Variants in PCDHGB4 observed in about 807,000 individuals in gnomAD.
PCDHGB4 encodes protocadherin gamma subfamily B, 4.
Under a neutral mutation model 60.5 loss-of-function variants are expected in PCDHGB4, and 38 were observed. That is an observed-to-expected ratio of 0.63 (90% CI 0.48 to 0.82). The LOEUF (loss-of-function observed/expected upper bound fraction) is 0.82, where lower values mean the gene tolerates loss of function less well. Among genes scored for constraint, PCDHGB4 ranks in the 40% least tolerant of loss-of-function variants. The pLI is 0.00. For missense variants in PCDHGB4, 1,109 were observed against 1,209.6 expected, an observed-to-expected ratio of 0.92 and a Z score of 1.23; for synonymous variants, 456 against 509.7, an observed-to-expected ratio of 0.89 and a Z score of 1.42.
At chr5:141,422,198 A>G (rs2096632774) in intron 1 of PCDHGB4, 1 of 1,562,340 alleles carries the variant, frequency 6.4e-7, no homozygotes, top group Non-Finnish European at 8.6e-7. Flanking sequence ...CAAGGCCAAG[A>G]TGGTGGAGGT....
rs761599135 is a variant in PCDHGB4, at chr5:141,388,922, A to G, written c.1038A>G (p.Ile346Met). The G allele has an allele frequency of 6.2e-7, 1 of 1,614,046 alleles. No homozygotes were observed. The highest frequency in any genetic ancestry group is 8.5e-7 in the Non-Finnish European group (1 of 1,179,874). The change falls in exon 1 of 4, where the codon ATA (isoleucine) becomes ATG (methionine). Residue 346 changes from isoleucine (I) to methionine (M), a missense_variant. By Grantham distance (10) the Ile-to-Met change is conservative. Coordinates refer to ENST00000519479, the MANE Select transcript of PCDHGB4 (RefSeq NM_003736.4). ...IDENDNAPEV[I>M]FQSLPNLIME... ...AAAATGACAACGCCCCAGAAGTGATATTCCAGTCTCTACCCAACCTAATTA... is the reference window on the plus strand; with the variant it reads ...AAAATGACAACGCCCCAGAAGTGATGTTCCAGTCTCTACCCAACCTAATTA...
intron 3 of PCDHGB4, among the ~76,000 whole-genome samples, chr5:141,506,189 G>A (rs529165145): frequency 3.6e-4 from 55 of 152,262 alleles, no homozygotes; most frequent in African/African-American, 1.1e-3. Flanking sequence ...GGTGGCTCAC[G>A]CCTGTAATCC....
intron 1 of PCDHGB4, among the ~76,000 whole-genome samples, chr5:141,450,485 T>A (rs1382219564): frequency 6.6e-6 from 1 of 152,160 alleles, no homozygotes; most frequent in Non-Finnish European, 1.5e-5. Flanking sequence ...GTTTGTTTGT[T>A]TGTCTGTTTG....
At chr5:141,460,536 G>T (rs911670681) in intron 1 of PCDHGB4, among the ~76,000 whole-genome samples, 1 of 152,092 alleles carries the variant, frequency 6.6e-6, no homozygotes, top group African/African-American at 2.4e-5. Context: ...AATAATCTTA[G>T]CACCTTAATC....
At chr5:141,422,899 G>C (rs759972749) in intron 1 of PCDHGB4, 13 of 1,614,116 alleles carry the variant, frequency 8.1e-6, no homozygotes, top group Middle Eastern at 3.3e-4. Context: ...GGACCAGAAC[G>C]ACAATGCGCC....
At chr5:141,409,185 C>A in intron 1 of PCDHGB4, 1 of 1,614,024 alleles carries the variant, frequency 6.2e-7, no homozygotes, top group Non-Finnish European at 8.5e-7. Flanking sequence ...GGTGGTCTCT[C>A]TACCCAGTGT....
chr5:141,393,508 T>A (rs540869636), intron 1 of PCDHGB4: 2 of 1,614,010 alleles, frequency 1.2e-6, no homozygotes, highest in East Asian at 4.5e-5. Flanking sequence ...CACGTGACAG[T>A]GTTGGATACA....
At chr5:141,467,924 G>A (rs2099154404) in intron 1 of PCDHGB4, among the ~76,000 whole-genome samples, 1 of 152,042 alleles carries the variant, frequency 6.6e-6, no homozygotes, top group Non-Finnish European at 1.5e-5. Context: ...CTCCCAAAAT[G>A]CTAGGATTAC....
intron 1 of PCDHGB4, chr5:141,399,557 T>TG: frequency 1.2e-6 from 2 of 1,613,968 alleles, no homozygotes; most frequent in Non-Finnish European, 1.7e-6. Context: ...GACCTGGACT[T>TG]GGGGTTGAAC....
chr5:141,478,137 G>A (rs762316494), intron 1 of PCDHGB4: 13 of 1,613,872 alleles, frequency 8.1e-6, no homozygotes, highest in African/African-American at 8.0e-5. Context: ...CCTGAAGCCC[G>A]AGCCGAGTTC....
intron 1 of PCDHGB4, chr5:141,394,095 G>A: frequency 6.2e-7 from 1 of 1,613,848 alleles, no homozygotes; most frequent in Non-Finnish European, 8.5e-7. Context: ...CTCAGATCTA[G>A]GAACACCACC....
In PCDHGB4 at chr5:141,477,891, G is replaced by T. The variant is rs750359063; in HGVS notation, c.2398-16916G>T. 10 of 1,614,066 alleles carry T rather than the reference G, an allele frequency of 6.2e-6. No individual in the cohort carries two copies. The African/African-American group carries it at 1.2e-4, about 19-fold the overall frequency. ...ACCTCAGCTGGCCACCTAGTGTCAC[G>T]GGTGGTAGGCTGGGACGCGGATGCA... is the stretch of plus-strand genomic sequence containing the variant. On this transcript the variant is annotated intron_variant, in intron 1 of 3. Coordinates refer to ENST00000519479, the MANE Select transcript of PCDHGB4 (RefSeq NM_003736.4). This position sits in a 1 kb window ranked among gnomAD's most constrained non-coding sequence, Gnocchi z 4.9.
At chr5:141,449,198 A>C (rs2098631518) in intron 1 of PCDHGB4, among the ~76,000 whole-genome samples, 1 of 152,188 alleles carries the variant, frequency 6.6e-6, no homozygotes, top group Non-Finnish European at 1.5e-5. Context: ...AAGAAGTGTT[A>C]ATTCTAACTT....
rs781695042 is a variant in PCDHGB4, at chr5:141,394,424, C to T, written c.2397+4143C>T. 6.2e-6 allele frequency: 10 copies of T among 1,614,104 alleles called. No individual in the cohort carries two copies. The African/African-American group carries it at 8.0e-5, about 13-fold the overall frequency. On this transcript the variant is annotated intron_variant, in intron 1 of 3. Transcript: ENST00000519479. The stretch of plus-strand genomic sequence containing the variant: ...AGCTACTGGTAACAGCCAGCGACAG[C>T]GGGGACCCGCCCCTCAGCAGCAACA...
At chr5:141,434,392 CA>C (rs1377925864) in intron 1 of PCDHGB4, among the ~76,000 whole-genome samples, 2 of 152,210 alleles carry the variant, frequency 1.3e-5, no homozygotes, top group Non-Finnish European at 2.9e-5. Context: ...TGGCCATAAA[CA>C]AAATCTCTGC....
In PCDHGB4 at chr5:141,482,326, GAAT is replaced by G. The variant is rs1344469521; in HGVS notation, c.2398-12479_2398-12477del. Among the ~76,000 whole-genome samples, 3 of 152,072 alleles carry G rather than the reference GAAT, an allele frequency of 2.0e-5. No homozygotes were observed. The East Asian group carries it at 5.8e-4, about 29-fold the overall frequency. ...AGTTTCCTCATCTATAAAATAAAGAGAATATCTACTTTGCAAACTTGTTGTGAG... is the reference window on the plus strand; with the variant it reads ...AGTTTCCTCATCTATAAAATAAAGAGATCTACTTTGCAAACTTGTTGTGAG... On this transcript the variant is annotated intron_variant, in intron 1 of 3. Transcript: ENST00000519479.
chr5:141,427,161 G>A (rs1561826750), intron 1 of PCDHGB4: 1 of 456,698 alleles, frequency 2.2e-6, no homozygotes, highest in Non-Finnish European at 4.4e-6. Flanking sequence ...GTTTGTGCTA[G>A]ACCATCAAAA....
Position 141,476,540 on chromosome 5 carries a change from T to C in PCDHGB4, c.2398-18267T>C, listed in dbSNP as rs148362631. On this transcript the variant is annotated intron_variant, in intron 1 of 3. Coordinates refer to ENST00000519479, the MANE Select transcript of PCDHGB4 (RefSeq NM_003736.4). The surrounding 1 kb of genome is among the most constrained non-coding windows in gnomAD (Gnocchi z 7.6). Reference sequence around the variant, plus strand: ...TGCTTTCCCTACCCAGGAAATGAAATTGGAGATTAGCGAGGCCGTGGCTCC... The same window carrying C: ...TGCTTTCCCTACCCAGGAAATGAAACTGGAGATTAGCGAGGCCGTGGCTCC... 9.4e-5 allele frequency: 151 copies of C among 1,614,122 alleles called. 1 individual carries two copies. In the African/African-American group the frequency reaches 1.3e-3, roughly 14 times the overall value.
intron 1 of PCDHGB4, chr5:141,418,346 A>G (rs780933957): frequency 1.7e-5 from 27 of 1,614,022 alleles, no homozygotes; most frequent in South Asian, 2.2e-5. Flanking sequence ...TCCTGATATT[A>G]GTATGAATTC....
Sources: gnomAD v4.1 joint callset for allele counts (sites outside exome capture counted in the v4.1 genomes callset) on GRCh38, gnomAD v4.1.1 for gene constraint, Gnocchi (gnomAD v3.1) non-coding constraint, MANE v1.5 for transcripts, NCBI Gene and HGNC (gene_info 2026-07-23, HGNC 2026-07-21) for gene names.